Variants in TVP23A observed in about 807,000 individuals in gnomAD.
The protein encoded by TVP23A is Golgi apparatus membrane protein TVP23 homolog A.
In TVP23A, 21 loss-of-function variants were observed where a neutral mutation model predicts 31.7. The observed-to-expected ratio is 0.66, with a 90% CI of 0.47 to 0.95. The LOEUF is 0.95. Among genes scored for constraint, TVP23A ranks in the 40% least tolerant of loss-of-function variants. The probability of loss-of-function intolerance (pLI) is 0.00; values close to 1 mark genes in which losing one functional copy is unlikely to be tolerated. For missense variants in TVP23A, 279 were observed against 255.6 expected, an observed-to-expected ratio of 1.09 and a Z score of -0.62; for synonymous variants, 104 against 96.0, an observed-to-expected ratio of 1.08 and a Z score of -0.49.
intron 7 of TVP23A, among the ~76,000 whole-genome samples, chr16:10,769,912 C>T (rs570459925): frequency 3.9e-4 from 60 of 152,324 alleles, no homozygotes; most frequent in South Asian, 1.7e-3. Context: ...TGTTTTCCCT[C>T]CACTCTGGGG....
rs1445618937 is a variant in TVP23A at position 10,768,016 on chromosome 16, C to T, written c.*1086G>A. The stretch of plus-strand genomic sequence containing the variant: ...CAGATTCCCCAGCCACGTTAGCCTA[C>T]AGAAGTATAATTCAGAGTAAGTATT... On this transcript the variant is annotated 3_prime_UTR_variant, in exon 8 of 8. Transcript: ENST00000299866. This position sits in a 1 kb window ranked among gnomAD's most constrained non-coding sequence, Gnocchi z 4.3. The T allele has an allele frequency of 3.1e-6, 5 of 1,614,038 alleles. No individual in the cohort carries two copies. The highest frequency in any genetic ancestry group is 4.2e-6 in the Non-Finnish European group (5 of 1,179,970).
rs1192144709 is a variant in TVP23A at position 10,775,171 on chromosome 16, G to T, written c.90-75C>A. The T allele has an allele frequency of 1.2e-5, 18 of 1,526,600 alleles. No homozygotes were observed. In the Admixed American group the frequency reaches 2.7e-4, roughly 23 times the overall value. The allele number at this position is 1,526,600 out of a possible 1,614,324, so 94.6% of individuals were successfully genotyped here. On this transcript the variant is annotated intron_variant, in intron 2 of 7. Transcript: ENST00000299866. ...TCACTGAACTCCCTTTACCACTTCA[G>T]ACTTTGCTGGGGGTGTTAGCGTGGC...
chr16:10,772,688 G>A (rs1040652424), intron 5 of TVP23A, among the ~76,000 whole-genome samples: 2 of 152,132 alleles, frequency 1.3e-5, no homozygotes, highest in African/African-American at 4.8e-5. Flanking sequence ...CCATTTATAT[G>A]AAATGCCCAG....
At position 10,789,558 on chromosome 16, in the gene TVP23A, G is replaced by C. The variant is rs116888661; in HGVS notation, c.90-14462C>G. ...AAGATATACATTGGGGCTGGGTGTG[G>C]TGATTCACACCTGTAATCCCAGCAC... On this transcript the variant is annotated intron_variant, in intron 2 of 7. Coordinates refer to ENST00000299866, the MANE Select transcript of TVP23A (RefSeq NM_001079512.4). Among the ~76,000 whole-genome samples the C allele has an allele frequency of 3.6e-3, 539 of 151,340 alleles. 8 individuals carry two copies. The highest frequency in any genetic ancestry group is 0.027 in the East Asian group (136 of 5,098).
At chr16:10,766,620 G>A (rs781304009), downstream of TVP23A, 23 of 204,212 alleles carry the variant, frequency 1.1e-4, no homozygotes, top group East Asian at 1.2e-3. This position sits in a 1 kb window ranked among gnomAD's most constrained non-coding sequence, Gnocchi z 4.8. Context: ...CGTTAACGGC[G>A]GAGGATGTCC....
chr16:10,803,749 A>G (rs2033818622), intron 2 of TVP23A, among the ~76,000 whole-genome samples: 1 of 152,094 alleles, frequency 6.6e-6, no homozygotes, highest in Non-Finnish European at 1.5e-5. Context: ...ACAACAGCTG[A>G]CCATCAGGGC....
intron 2 of TVP23A, among the ~76,000 whole-genome samples, chr16:10,793,991 G>A (rs2033251004): frequency 6.6e-6 from 1 of 150,840 alleles, no homozygotes; most frequent in South Asian, 2.1e-4. Flanking sequence ...AGCACACTCG[G>A]TATCTGGTGA....
intron 2 of TVP23A, among the ~76,000 whole-genome samples, chr16:10,815,852 G>A (rs1171464002): frequency 6.6e-6 from 1 of 152,122 alleles, no homozygotes; most frequent in Non-Finnish European, 1.5e-5. Context: ...AGTTCTTTTG[G>A]AATCTTCATT....
At chr16:10,811,611 CAT>C (rs2143004983) in intron 2 of TVP23A, among the ~76,000 whole-genome samples, 2 of 152,178 alleles carry the variant, frequency 1.3e-5, no homozygotes, top group South Asian at 2.1e-4. Flanking sequence ...CACACACACA[CAT>C]ACACTGACAC....
downstream of TVP23A, chr16:10,763,417 G>C (rs1567265053): frequency 6.6e-6 from 1 of 152,274 alleles, no homozygotes; most frequent in Non-Finnish European, 1.5e-5. Context: ...GAGACCCCAT[G>C]TGCCCAGGAG....
At chr16:10,778,570 C>T (rs912417826) in intron 2 of TVP23A, among the ~76,000 whole-genome samples, 1 of 151,928 alleles carries the variant, frequency 6.6e-6, no homozygotes, top group Admixed American at 6.6e-5. Flanking sequence ...ATTTAAGATT[C>T]TCCGCAAACA....
rs970425281 is a variant in TVP23A at position 10,768,997 on chromosome 16, A to G, written c.*105T>C. The G allele has an allele frequency of 3.2e-6, 5 of 1,541,444 alleles. No homozygotes were observed. Among genetic ancestry groups the G allele is most frequent in the Non-Finnish European group, 4.5e-6 (5 of 1,113,832 alleles). ...CTCCCCAGCACAGGACAGGGCTGTC[A>G]AGGGGTAGACAAGCCATTAGCACTC... On this transcript the variant is annotated 3_prime_UTR_variant, in exon 8 of 8. Transcript: ENST00000299866. The surrounding 1 kb of genome is among the most constrained non-coding windows in gnomAD (Gnocchi z 4.3).
rs60682141 is a variant in TVP23A, at chr16:10,791,287, C to T, written c.90-16191G>A. ...ATTGTTAAAAATAAGTAGGGTGTTG[C>T]TATTTCTTTCTTTGGCCCCGACACC... On this transcript the variant is annotated intron_variant, in intron 2 of 7. Transcript: ENST00000299866. Among the ~76,000 whole-genome samples, 173 of 152,274 alleles carry T rather than the reference C, an allele frequency of 1.1e-3. 2 individuals are homozygous for T. In the East Asian group the frequency reaches 0.029, roughly 25 times the overall value.
chr16:10,773,279 T>C, intron 5 of TVP23A, 34 bp downstream of exon 5: 5 of 1,569,800 alleles, frequency 3.2e-6, no homozygotes, highest in Non-Finnish European at 4.3e-6. Context: ...TGCAGAGACA[T>C]CAAAGCAATG....
At chr16:10,770,242 T>C (rs373092996) in intron 7 of TVP23A, 30 bp downstream of exon 7, 182 of 1,549,750 alleles carry the variant, frequency 1.2e-4, no homozygotes, top group Non-Finnish European at 1.5e-4. Context: ...CCCCAGTTCC[T>C]CCACACGGGT....
downstream of TVP23A, among the ~76,000 whole-genome samples, chr16:10,758,312 A>AAT (rs939636341): frequency 7.9e-5 from 12 of 152,006 alleles, no homozygotes; most frequent in African/African-American, 2.9e-4. Flanking sequence ...CTCTACAAAA[A>AAT]ATATTTTAAA....
Position 10,776,873 on chromosome 16 carries a change from G to A in TVP23A, c.90-1777C>T, listed in dbSNP as rs977197586. ...GCCATGACATCTGTGAACTGTCATG[G>A]TGCTGGTGGGAGTGTAGCAGTGGGG... On this transcript the variant is annotated intron_variant, in intron 2 of 7. Coordinates refer to ENST00000299866, the MANE Select transcript of TVP23A (RefSeq NM_001079512.4). Among the ~76,000 whole-genome samples, 3 of 152,114 alleles carry A rather than the reference G, an allele frequency of 2.0e-5. No individual in the cohort carries two copies. In the South Asian group the frequency reaches 6.2e-4, roughly 32 times the overall value.
In TVP23A at chr16:10,768,252, C is replaced by A; in HGVS notation, c.*850G>T. ...AACATGGTGAGGGTGAAATTTATGG[C>A]TTAGGAAATACATCCCAATAAAGGG... On this transcript the variant is annotated 3_prime_UTR_variant, in exon 8 of 8. Coordinates refer to ENST00000299866, the MANE Select transcript of TVP23A (RefSeq NM_001079512.4). The surrounding 1 kb of genome is among the most constrained non-coding windows in gnomAD (Gnocchi z 4.3). 2.5e-6 allele frequency: 1 copy of A among 392,726 alleles called. No homozygotes were observed. The highest frequency in any genetic ancestry group is 4.6e-6 in the Non-Finnish European group (1 of 218,576). The allele number at this position is 392,726 out of a possible 1,614,324, so 24.3% of individuals were successfully genotyped here. A position where few individuals can be genotyped will look rare whatever the true frequency, so the allele number is the denominator to read the frequency against.
chr16:10,783,752 G>A (rs546191978), intron 2 of TVP23A, among the ~76,000 whole-genome samples: 11 of 152,240 alleles, frequency 7.2e-5, no homozygotes, highest in South Asian at 6.2e-4. Flanking sequence ...GTTATTCAGC[G>A]CTAAAAAGAA....
Sources: allele counts gnomAD v4.1 joint callset (sites outside exome capture counted in the v4.1 genomes callset), GRCh38; gene constraint gnomAD v4.1.1; non-coding constraint Gnocchi (gnomAD v3.1); transcripts MANE v1.5; gene names NCBI Gene and HGNC (gene_info 2026-07-23, HGNC 2026-07-21).